The following ENKUR variants were observed in gnomAD, a reference collection of about 807,000 sequenced individuals.
ENKUR encodes the protein enkurin.
In ENKUR, 19 loss-of-function variants were observed where a neutral mutation model predicts 27.6. That is an observed-to-expected ratio of 0.69 (90% CI 0.48 to 1.01). The LOEUF (loss-of-function observed/expected upper bound fraction) is 1.01. ENKUR is among the 50% of genes least tolerant of loss of function. The pLI is 0.00. For synonymous variants in ENKUR, 117 were observed against 96.9 expected (o/e 1.21, Z -1.22); for missense variants, 312 against 310.5 (o/e 1.00, Z -0.04).
intron 2 of ENKUR, among the ~76,000 whole-genome samples, chr10:25,039,439 G>T (rs1157780113): frequency 6.6e-6 from 1 of 152,122 alleles, no homozygotes; most frequent in Admixed American, 6.6e-5. Context: ...AATTAGCAGG[G>T]TGTGGTGGTG....
rs139671767 is a variant in ENKUR, at chr10:24,995,706, T to C, written c.387A>G (p.Arg129=). 1.3e-5 allele frequency: 21 copies of C among 1,613,990 alleles called. No individual in the cohort carries two copies. The African/African-American group carries it at 2.4e-4, about 18-fold the overall frequency. Residue 129 remains arginine, a synonymous_variant, in exon 3 of 6, where the codon AGA becomes AGG. Coordinates refer to ENST00000331161, the MANE Select transcript of ENKUR (RefSeq NM_145010.4). ...KKPKPIYVDK[R]TGDKHDLEPS... is the part of the protein sequence containing the mutation. The stretch of plus-strand genomic sequence containing the variant: ...GCTCAAGATCATGCTTGTCTCCAGT[T>C]CTTTTATCAACATAAATTGGTTTAG...
At chr10:25,027,866 A>T (rs998006362) in intron 2 of ENKUR, among the ~76,000 whole-genome samples, 1 of 152,174 alleles carries the variant, frequency 6.6e-6, no homozygotes, top group South Asian at 2.1e-4. Context: ...AAATAAAAAT[A>T]AAAAAGACAT....
chr10:25,020,611 AC>A (rs1850700715), upstream of ENKUR, among the ~76,000 whole-genome samples: 2 of 152,024 alleles, frequency 1.3e-5, no homozygotes, highest in African/African-American at 2.4e-5. Flanking sequence ...TAGAAAACCT[AC>A]AAAAATTAGC....
chr10:24,989,582 C>T (rs181302314), intron 4 of ENKUR, among the ~76,000 whole-genome samples: 1 of 152,338 alleles, frequency 6.6e-6, no homozygotes, highest in Admixed American at 6.5e-5. Flanking sequence ...CAATACTCCA[C>T]TGCAGATATT....
intron 1 of ENKUR, among the ~76,000 whole-genome samples, chr10:24,999,884 G>T (rs910696328): frequency 2.0e-5 from 3 of 152,080 alleles, no homozygotes; most frequent in African/African-American, 7.2e-5. Flanking sequence ...CTGGCTAGGG[G>T]TCTATTAATT....
chr10:25,049,813 T>A, intron 2 of ENKUR, among the ~76,000 whole-genome samples: 1 of 147,916 alleles, frequency 6.8e-6, no homozygotes. Flanking sequence ...ACTTCAAGAA[T>A]TAAAATTTAA....
chr10:25,050,207 T>G (rs1251228421), intron 2 of ENKUR, among the ~76,000 whole-genome samples: 2 of 152,146 alleles, frequency 1.3e-5, no homozygotes, highest in African/African-American at 4.8e-5. Flanking sequence ...CTCCCACCAC[T>G]GGGGATCATA....
intron 1 of ENKUR, among the ~76,000 whole-genome samples, chr10:25,011,459 C>G: frequency 6.6e-6 from 1 of 151,974 alleles, no homozygotes; most frequent in Non-Finnish European, 1.5e-5. Flanking sequence ...TAGATACAAA[C>G]CTGAGAAAAA....
At chr10:25,007,117 T>A (rs1027799429) in intron 1 of ENKUR, among the ~76,000 whole-genome samples, 2 of 152,224 alleles carry the variant, frequency 1.3e-5, no homozygotes, top group Non-Finnish European at 2.9e-5. Flanking sequence ...CTGTAAAAAT[T>A]TGAGTCATCA....
chr10:25,060,883 G>GTT (rs566590900), intron 2 of ENKUR, among the ~76,000 whole-genome samples: 10 of 144,832 alleles, frequency 6.9e-5, no homozygotes, highest in Non-Finnish European at 4.6e-5. Context: ...AATTTAAAAA[G>GTT]TTTTTTTTTT....
Position 25,015,987 on chromosome 10 carries a change from G to T in ENKUR, c.-51C>A. On this transcript the variant is annotated 5_prime_UTR_variant, in exon 1 of 6. Coordinates refer to ENST00000331161, the MANE Select transcript of ENKUR (RefSeq NM_145010.4). ...TACTCTCCACAACTTTTTTCTCCCT[G>T]TCCCAGTATCTCCGTCCCTTTCTTC... 6.3e-7 allele frequency: 1 copy of T among 1,576,834 alleles called. No homozygotes were observed.
In ENKUR at chr10:25,058,495, G is replaced by A. The variant is rs115598505; in HGVS notation, c.37+2617C>T. ...AGCACTGGAATTACAGGCATGAGTC[G>A]TTGGGACCAGACTCATTCAATTTTA... On this transcript the variant is annotated intron_variant, in intron 2 of 5. Transcript: ENST00000615958. Among the ~76,000 whole-genome samples, 326 of 152,286 alleles carry A rather than the reference G, an allele frequency of 2.1e-3. 3 individuals carry two copies. The highest frequency in any genetic ancestry group is 7.2e-3 in the African/African-American group (298 of 41,566).
At chr10:25,006,883 T>G (rs547567090) in intron 1 of ENKUR, among the ~76,000 whole-genome samples, 26 of 152,196 alleles carry the variant, frequency 1.7e-4, no homozygotes, top group Non-Finnish European at 3.1e-4. Context: ...GGGCCTGAGA[T>G]TTTTCTTCTG....
In ENKUR at chr10:24,999,529, T is replaced by C; in HGVS notation, c.95A>G (p.Lys32Arg). The change falls in exon 2 of 6, where the codon AAG (lysine) becomes AGG (arginine). Residue 32 changes from lysine to arginine, a missense_variant. Physicochemically the swap from Lys to Arg is conservative, Grantham distance 26 (BLOSUM62 2). Coordinates refer to ENST00000331161, the MANE Select transcript of ENKUR (RefSeq NM_145010.4). Reference protein sequence around the residue: ...PQPPRYISIFKATVKDDMQKA... With the variant: ...PQPPRYISIFRATVKDDMQKA... ...TTGCATGTCATCTTTTACAGTTGCCTTAAAAATGGATATGTACCTAAAATT... is the reference window on the plus strand; with the variant it reads ...TTGCATGTCATCTTTTACAGTTGCCCTAAAAATGGATATGTACCTAAAATT... 1 of 1,609,284 alleles carries C rather than the reference T, an allele frequency of 6.2e-7. No homozygotes were observed. Among genetic ancestry groups the C allele is most frequent in the African/African-American group, 1.3e-5 (1 of 74,740 alleles).
At chr10:25,054,281 G>T (rs1414217238) in intron 2 of ENKUR, among the ~76,000 whole-genome samples, 3 of 152,108 alleles carry the variant, frequency 2.0e-5, no homozygotes, top group African/African-American at 7.2e-5. Context: ...AATTAGCTGG[G>T]CGTGGTGGTG....
At chr10:24,985,534 T>G (rs567126983) in intron 4 of ENKUR, among the ~76,000 whole-genome samples, 216 of 152,342 alleles carry the variant, frequency 1.4e-3, no homozygotes, top group Admixed American at 2.4e-3. Flanking sequence ...GATTGAAAGG[T>G]CATTAAATGT....
intron 2 of ENKUR, among the ~76,000 whole-genome samples, chr10:25,045,718 A>G (rs2130477843): frequency 6.6e-6 from 1 of 152,316 alleles, no homozygotes; most frequent in South Asian, 2.1e-4. Context: ...AAAAGCCATG[A>G]AAAGTTATAG....
chr10:25,014,963 A>G (rs757720633), intron 1 of ENKUR, among the ~76,000 whole-genome samples: 7 of 152,234 alleles, frequency 4.6e-5, no homozygotes, highest in Non-Finnish European at 8.8e-5. Flanking sequence ...ATGAAACTTT[A>G]TTCTAAAGTT....
upstream of ENKUR, among the ~76,000 whole-genome samples, chr10:25,020,862 C>T (rs1302463908): frequency 6.6e-6 from 1 of 152,000 alleles, no homozygotes; most frequent in East Asian, 1.9e-4. Context: ...TGTAATGTTA[C>T]AAGCAAAAGC....
Sources: gnomAD v4.1 joint callset for allele counts (sites outside exome capture counted in the v4.1 genomes callset) on GRCh38, gnomAD v4.1.1 for gene constraint, MANE v1.5 for transcripts, NCBI Gene and HGNC (gene_info 2026-07-23, HGNC 2026-07-21) for gene names.